The following MAGI2 variants were observed in gnomAD, a reference collection of about 807,000 sequenced individuals.
The protein encoded by MAGI2 is membrane associated guanylate kinase, WW and PDZ domain containing 2.
A neutral mutation model predicts 133.3 loss-of-function variants in MAGI2; 35 were observed. That is an observed-to-expected ratio of 0.26 (90% CI 0.20 to 0.35). The LOEUF is 0.35. MAGI2 is among the 10% of genes least tolerant of loss of function. The probability of loss-of-function intolerance (pLI) is 1.00; values close to 1 mark genes in which losing one functional copy is unlikely to be tolerated. For missense variants in MAGI2, 1,636 were observed against 1,863.4 expected (o/e 0.88, Z 2.25); for synonymous variants, 729 against 710.6 (o/e 1.03, Z -0.41).
intron 9 of MAGI2, among the ~76,000 whole-genome samples, chr7:78,296,781 T>C (rs755409320): frequency 1.3e-5 from 2 of 151,862 alleles, no homozygotes; most frequent in Non-Finnish European, 2.9e-5. Flanking sequence ...ATGCATGCTA[T>C]TTGCTGAATG....
intron 6 of MAGI2, among the ~76,000 whole-genome samples, chr7:78,440,168 T>C (rs1043180251): frequency 1.3e-5 from 2 of 152,128 alleles, no homozygotes; most frequent in African/African-American, 4.8e-5. Flanking sequence ...ATTCTGACTA[T>C]CTGGATTCAT....
chr7:79,372,821 C>T (rs1015189590), intron 1 of MAGI2, among the ~76,000 whole-genome samples: 1 of 151,872 alleles, frequency 6.6e-6, no homozygotes, highest in Non-Finnish European at 1.5e-5. Context: ...TAGCCTTTTG[C>T]CACTCTCCCT....
At chr7:79,046,183 C>T (rs1034835648) in intron 1 of MAGI2, among the ~76,000 whole-genome samples, 4 of 152,152 alleles carry the variant, frequency 2.6e-5, no homozygotes, top group East Asian at 1.9e-4. Flanking sequence ...TCTATGATGA[C>T]GTCCTAATCC....
intron 21 of MAGI2, among the ~76,000 whole-genome samples, chr7:78,059,264 A>G (rs933926960): frequency 4.6e-5 from 7 of 152,088 alleles, no homozygotes; most frequent in Non-Finnish European, 1.0e-4. Flanking sequence ...TATTTTTCAA[A>G]TCCAAATCCA....
At chr7:78,872,188 C>G (rs1161033076) in intron 2 of MAGI2, among the ~76,000 whole-genome samples, 1 of 141,904 alleles carries the variant, frequency 7.0e-6, no homozygotes, top group East Asian at 2.1e-4. Context: ...AAAACAGACA[C>G]AAAATATAAA....
chr7:79,399,302 C>T (rs1365958851), intron 1 of MAGI2, among the ~76,000 whole-genome samples: 2 of 151,826 alleles, frequency 1.3e-5, no homozygotes, highest in African/African-American at 4.8e-5. Context: ...TCATGTTGGC[C>T]AGGCTGGTCT....
intron 20 of MAGI2, among the ~76,000 whole-genome samples, chr7:78,086,301 G>C (rs552979817): frequency 6.9e-6 from 1 of 145,908 alleles, no homozygotes; most frequent in African/African-American, 2.5e-5. Flanking sequence ...GCAGTGGCAC[G>C]ATCTTGGCCC....
intron 1 of MAGI2, among the ~76,000 whole-genome samples, chr7:79,259,409 G>A (rs985879349): frequency 2.6e-5 from 4 of 152,238 alleles, no homozygotes; most frequent in Admixed American, 6.5e-5. Flanking sequence ...ACTTTATTCT[G>A]TAAAATAATT....
intron 1 of MAGI2, among the ~76,000 whole-genome samples, chr7:79,384,792 T>C (rs929590247): frequency 2.0e-5 from 3 of 151,720 alleles, no homozygotes; most frequent in Non-Finnish European, 3.0e-5. Flanking sequence ...ACACTTTGTG[T>C]TTTTGTAATA....
intron 10 of MAGI2, among the ~76,000 whole-genome samples, chr7:78,233,869 A>T (rs1288862191): frequency 6.6e-6 from 1 of 152,124 alleles, no homozygotes; most frequent in Non-Finnish European, 1.5e-5. Context: ...AGAAGGAAGG[A>T]TGCGCCTAGG....
At chr7:79,339,471 T>C (rs945008991) in intron 1 of MAGI2, among the ~76,000 whole-genome samples, 1 of 151,428 alleles carries the variant, frequency 6.6e-6, no homozygotes, top group Admixed American at 6.6e-5. Flanking sequence ...TTTGTTTTTT[T>C]TTTTTTTGAG....
chr7:78,970,562 A>AT (rs111950150), intron 2 of MAGI2, among the ~76,000 whole-genome samples: 4,011 of 151,544 alleles, frequency 0.026, 173 homozygotes, highest in African/African-American at 0.091. Context: ...TGGAAACTAC[A>AT]TTTTTTTTTC....
intron 2 of MAGI2, among the ~76,000 whole-genome samples, chr7:78,716,692 A>C (rs10255125): frequency 0.35 from 53,769 of 152,026 alleles, 9,856 homozygotes; most frequent in Middle Eastern, 0.43. Context: ...AAGAAAGATC[A>C]ATTTCCCCAT....
intron 21 of MAGI2, among the ~76,000 whole-genome samples, chr7:78,020,944 A>G (rs1216478783): frequency 6.6e-6 from 1 of 152,204 alleles, no homozygotes; most frequent in African/African-American, 2.4e-5. Context: ...TAGGAAGTCT[A>G]GTTCCAACAT....
chr7:78,576,031 T>A (rs1199280125), intron 3 of MAGI2, among the ~76,000 whole-genome samples: 1 of 152,122 alleles, frequency 6.6e-6, no homozygotes, highest in African/African-American at 2.4e-5. Context: ...GTACTATTTT[T>A]GTACATAAAT....
At chr7:78,283,368 T>C (rs960153259) in intron 9 of MAGI2, among the ~76,000 whole-genome samples, 1 of 152,124 alleles carries the variant, frequency 6.6e-6, no homozygotes, top group Non-Finnish European at 1.5e-5. Context: ...TTGAAAAGAA[T>C]GGCTGGTGAT....
chr7:78,343,589 T>C (rs1348586029), intron 9 of MAGI2, among the ~76,000 whole-genome samples, 189 bp downstream of exon 9: 1 of 152,218 alleles, frequency 6.6e-6, no homozygotes, highest in Non-Finnish European at 1.5e-5. Context: ...AAAATTATAT[T>C]CAAAATTGTT....
At position 78,125,140 on chromosome 7, in the gene MAGI2, C is replaced by T. The variant is rs551971902; in HGVS notation, c.3567+554G>A. Among the ~76,000 whole-genome samples, 4 of 151,970 alleles carry T rather than the reference C, an allele frequency of 2.6e-5. No individual in the cohort carries two copies. The South Asian group carries it at 6.3e-4, about 24-fold the overall frequency. ...CAGCCTCCCAAAGTGCTAGGATTAC[C>T]GGTGTGAGCCACCACGCCCGGCCCC... On this transcript the variant is annotated intron_variant, in intron 20 of 21. Transcript: ENST00000354212.
At chr7:78,893,072 T>C (rs1038683093) in intron 2 of MAGI2, among the ~76,000 whole-genome samples, 6 of 151,776 alleles carry the variant, frequency 4.0e-5, no homozygotes, top group Admixed American at 6.6e-5. Flanking sequence ...GGGCAAAGGA[T>C]ATGAACAGAC....
Sources: gnomAD v4.1 joint callset for allele counts (sites outside exome capture counted in the v4.1 genomes callset) on GRCh38, gnomAD v4.1.1 for gene constraint, MANE v1.5 for transcripts, NCBI Gene and HGNC (gene_info 2026-07-23, HGNC 2026-07-21) for gene names.